The following MSL2 variants were observed in gnomAD, a reference collection of about 807,000 sequenced individuals.
MSL2 encodes the protein MSL complex subunit 2, also known as E3 ubiquitin-protein ligase MSL2.
MSL2 carries 2 observed loss-of-function variants against 35.8 expected under a neutral mutation model. The observed-to-expected ratio is 0.06, with a 90% CI of 0.02 to 0.18. The LOEUF is 0.18. Among genes scored for constraint, MSL2 ranks in the 10% least tolerant of loss-of-function variants. MSL2 has a pLI of 1.00. For synonymous variants in MSL2, 296 were observed against 255.7 expected (o/e 1.16, Z -1.50); for missense variants, 523 against 706.7 (o/e 0.74, Z 2.95).
rs981921751 is a variant in MSL2, at chr3:136,152,856, C to G, written c.143-118G>C. 2.1e-5 allele frequency: 31 copies of G among 1,456,778 alleles called. No individual in the cohort carries two copies. The East Asian group carries it at 6.4e-4, about 30-fold the overall frequency. The allele number at this position is 1,456,778 out of a possible 1,614,324, so 90.2% of individuals were successfully genotyped here. Reference sequence around the variant, plus strand: ...ATTGAGATGAATTAAACTCACTAGACCAGATAACAGAAAATATATCTTAGA... The same window carrying G: ...ATTGAGATGAATTAAACTCACTAGAGCAGATAACAGAAAATATATCTTAGA... On this transcript the variant is annotated intron_variant, in intron 1 of 1. Coordinates refer to ENST00000309993, the MANE Select transcript of MSL2 (RefSeq NM_018133.4).
rs539647258 is a variant in MSL2, at chr3:136,191,059, ATAGTT to A, written c.142+3908_142+3912del. On this transcript the variant is annotated intron_variant, in intron 1 of 1. Transcript: ENST00000309993. Reference sequence around the variant, plus strand: ...TCTAGGTTTGACAATAATTGACCTGATAGTTTAGTCTCTTCCCTCACCTCCACCCA... The same window carrying A: ...TCTAGGTTTGACAATAATTGACCTGATAGTCTCTTCCCTCACCTCCACCCA... 3.6e-3 allele frequency among the ~76,000 whole-genome samples: 554 copies of A among 152,334 alleles called. 6 individuals are homozygous for A. The highest frequency in any genetic ancestry group is 5.4e-3 in the Non-Finnish European group (364 of 68,036).
chr3:136,176,646 G>A (rs566331354), intron 1 of MSL2, among the ~76,000 whole-genome samples: 1 of 151,534 alleles, frequency 6.6e-6, no homozygotes, highest in Non-Finnish European at 1.5e-5. Flanking sequence ...GCAACTGAGT[G>A]AGACCCTGTT....
chr3:136,164,636 C>G (rs1939790472), intron 1 of MSL2, among the ~76,000 whole-genome samples: 1 of 152,014 alleles, frequency 6.6e-6, no homozygotes, highest in Admixed American at 6.6e-5. Context: ...TAAGAAACCC[C>G]CCACCTCCAA....
intron 1 of MSL2, among the ~76,000 whole-genome samples, chr3:136,178,443 G>C (rs908774382): frequency 2.0e-5 from 3 of 151,942 alleles, no homozygotes; most frequent in Non-Finnish European, 2.9e-5. Context: ...CCTCTTAAGA[G>C]AGTCATCCCA....
Position 136,195,272 on chromosome 3 carries a change from G to C in MSL2, c.-159C>G, listed in dbSNP as rs1352296952. ...ACCAAAATCCGTGCAAGTTTGTGGA[G>C]CTGAAACAATCCTCCCACACATGGG... On this transcript the variant is annotated 5_prime_UTR_variant, in exon 1 of 2. Coordinates refer to ENST00000309993, the MANE Select transcript of MSL2 (RefSeq NM_018133.4). The C allele has an allele frequency of 6.9e-7, 1 of 1,454,970 alleles. No homozygotes were observed. Among genetic ancestry groups the C allele is most frequent in the Non-Finnish European group, 9.0e-7 (1 of 1,109,862 alleles). 90.1% of individuals were successfully genotyped at this position (1,454,970 alleles called of 1,614,324 possible).
At chr3:136,180,804 G>GGAAGGAAGGAAGGAAGGAA (rs1559969290) in intron 1 of MSL2, among the ~76,000 whole-genome samples, 2 of 51,426 alleles carry the variant, frequency 3.9e-5, no homozygotes, top group African/African-American at 9.2e-5. Flanking sequence ...GAGGGAGGGA[G>GGAAGGAAGGAAGGAAGGAA]GGAGGGAAGG....
At chr3:136,181,889 A>T (rs1482893427) in intron 1 of MSL2, among the ~76,000 whole-genome samples, 1 of 151,826 alleles carries the variant, frequency 6.6e-6, no homozygotes, top group East Asian at 1.9e-4. Flanking sequence ...ACTGCACTCC[A>T]GCCTCGGCAA....
chr3:136,163,313 G>A (rs1939760738), intron 1 of MSL2, among the ~76,000 whole-genome samples: 1 of 152,064 alleles, frequency 6.6e-6, no homozygotes, highest in Non-Finnish European at 1.5e-5. Context: ...ATTTCAACTG[G>A]ACTTAACACT....
chr3:136,152,761 C>T (rs762714930), intron 1 of MSL2, 23 bp from the exon 2 acceptor site: 24 of 1,597,694 alleles, frequency 1.5e-5, no homozygotes, highest in Admixed American at 7.1e-5. Flanking sequence ...AGGAGGAAAG[C>T]AAAGATTTTA....
chr3:136,154,691 T>C (rs1939467886), intron 1 of MSL2, among the ~76,000 whole-genome samples: 1 of 152,068 alleles, frequency 6.6e-6, no homozygotes, highest in South Asian at 2.1e-4. Context: ...AAACACCACA[T>C]ATCAAAATTT....
In MSL2 at chr3:136,192,501, C is replaced by G. The variant is rs573617435; in HGVS notation, c.142+2471G>C. ...TTTTTGCTGCAGTGAGCAAGGAAGA[C>G]TTCACCAAGGAGGCAGGGAGTTGAG... On this transcript the variant is annotated intron_variant, in intron 1 of 1. Transcript: ENST00000309993. Among the ~76,000 whole-genome samples, 5 of 151,856 alleles carry G rather than the reference C, an allele frequency of 3.3e-5. No homozygotes were observed. In the South Asian group the frequency reaches 1.0e-3, roughly 32 times the overall value.
Position 136,151,300 on chromosome 3 carries a change from C to G in MSL2, c.1581G>C (p.Leu527Phe). 6.2e-7 allele frequency: 1 copy of G among 1,614,212 alleles called. No individual in the cohort carries two copies. The change falls in exon 2 of 2, where the codon TTG becomes TTC. Residue 527 changes from leucine (L) to phenylalanine (F), a missense_variant. Coordinates refer to ENST00000309993, the MANE Select transcript of MSL2 (RefSeq NM_018133.4). The surrounding 1 kb of genome is among the most constrained non-coding windows in gnomAD (Gnocchi z 5.2). ...EKALEQTRLT[L>F]GINVTSIAVR... is the part of the protein sequence containing the mutation. The stretch of plus-strand genomic sequence containing the variant: ...CAGCAATGCTAGTCACGTTAATGCC[C>G]AAAGTGAGCCTGGTCTGCTCCAAGG...
chr3:136,181,793 C>T (rs933428487), intron 1 of MSL2, among the ~76,000 whole-genome samples: 34 of 151,962 alleles, frequency 2.2e-4, no homozygotes, highest in Admixed American at 1.7e-3. Context: ...GTGGTAGACG[C>T]CTGTAATCCC....
chr3:136,181,569 C>A (rs1940365041), intron 1 of MSL2, among the ~76,000 whole-genome samples: 1 of 152,132 alleles, frequency 6.6e-6, no homozygotes. Flanking sequence ...TTCTAAAGGT[C>A]TGTAAATGGT....
At chr3:136,167,863 G>C (rs1202588592) in intron 1 of MSL2, among the ~76,000 whole-genome samples, 1 of 152,060 alleles carries the variant, frequency 6.6e-6, no homozygotes, top group Non-Finnish European at 1.5e-5. Context: ...CGTAATGAAA[G>C]AGAAAAATAA....
chr3:136,188,766 T>A (rs1434733930), intron 1 of MSL2, among the ~76,000 whole-genome samples: 2 of 148,554 alleles, frequency 1.3e-5, no homozygotes, highest in Non-Finnish European at 3.0e-5. Flanking sequence ...ACACCACTTC[T>A]CTTGGCCCAG....
intron 1 of MSL2, among the ~76,000 whole-genome samples, chr3:136,174,389 T>C (rs889979837): frequency 3.3e-5 from 5 of 152,318 alleles, no homozygotes; most frequent in African/African-American, 9.6e-5. Context: ...GCACTATCTG[T>C]ACTTCTATTA....
rs564909791 is a variant in MSL2, at chr3:136,154,076, T to A, written c.143-1338A>T. ...CCAGCCTGGGCGACAAGAGCAAAAC[T>A]CCGTCTCATTTAAAAAAAAAAAAAA... is the stretch of plus-strand genomic sequence containing the variant. On this transcript the variant is annotated intron_variant, in intron 1 of 1. Coordinates refer to ENST00000309993, the MANE Select transcript of MSL2 (RefSeq NM_018133.4). Among the ~76,000 whole-genome samples, 3 of 140,154 alleles carry A rather than the reference T, an allele frequency of 2.1e-5. No individual in the cohort carries two copies. The Admixed American group carries it at 2.2e-4, about 10-fold the overall frequency. 91.9% of individuals were successfully genotyped at this position (140,154 alleles called of 152,430 possible).
intron 1 of MSL2, among the ~76,000 whole-genome samples, chr3:136,163,026 T>C (rs1440768021): frequency 6.6e-6 from 1 of 151,840 alleles, no homozygotes; most frequent in African/African-American, 2.4e-5. Context: ...GAGAAAAGGT[T>C]ACATTAAAAA....
Sources: allele counts gnomAD v4.1 joint callset (sites outside exome capture counted in the v4.1 genomes callset), GRCh38; gene constraint gnomAD v4.1.1; non-coding constraint Gnocchi (gnomAD v3.1); transcripts MANE v1.5; gene names NCBI Gene and HGNC (gene_info 2026-07-23, HGNC 2026-07-21).